Variants in C1orf159 observed in about 807,000 individuals in gnomAD.
The protein encoded by C1orf159 is chromosome 1 open reading frame 159.
C1orf159 carries 19 observed loss-of-function variants against 25.6 expected under a neutral mutation model. The ratio of observed to expected loss-of-function variants is 0.74; its 90% CI spans 0.52 to 1.09. The LOEUF (loss-of-function observed/expected upper bound fraction) is 1.09, where lower values mean the gene tolerates loss of function less well. Ranked by LOEUF, C1orf159 falls within the 50% of genes least tolerant of loss-of-function variation. C1orf159 has a pLI of 0.00. For synonymous variants in C1orf159, 139 were observed against 124.7 expected (o/e 1.12, Z -0.77); for missense variants, 274 against 290.6 (o/e 0.94, Z 0.42).
At chr1:1,083,417 C>G in intron 9 of C1orf159, 1 of 196,628 alleles carries the variant, frequency 5.1e-6, no homozygotes, top group Non-Finnish European at 1.0e-5. Flanking sequence ...CCCGGGCAGG[C>G]CCTGAAACAA....
At chr1:1,091,609 G>A (rs917070976) in intron 2 of C1orf159, 44 bp from the exon 3 acceptor site, 49 of 1,414,330 alleles carry the variant, frequency 3.5e-5, no homozygotes, top group Non-Finnish European at 3.8e-5. Flanking sequence ...ATGGAGTGGG[G>A]CTGAGGCAGG....
intron 1 of C1orf159, among the ~76,000 whole-genome samples, chr1:1,097,434 A>C (rs990860800): frequency 2.0e-5 from 3 of 151,336 alleles, no homozygotes; most frequent in Non-Finnish European, 4.4e-5. Flanking sequence ...TTGCTTTTCA[A>C]ACAGGTCTCT....
intron 1 of C1orf159, chr1:1,092,550 C>A (rs1645956679): frequency 6.5e-6 from 1 of 152,902 alleles, no homozygotes; most frequent in South Asian, 2.0e-4. Flanking sequence ...GCTCAGGGGC[C>A]TCCCTGGCAA....
At chr1:1,086,094 C>A (rs1416058568) in intron 6 of C1orf159, 82 bp from the exon 7 acceptor site, 1 of 1,511,282 alleles carries the variant, frequency 6.6e-7, no homozygotes. Context: ...CTGCACATGG[C>A]AGATGCGCTG....
At chr1:1,094,919 T>A (rs182708754) in intron 1 of C1orf159, among the ~76,000 whole-genome samples, 1 of 152,368 alleles carries the variant, frequency 6.6e-6, no homozygotes, top group Admixed American at 6.5e-5. Context: ...CCTTTGTGTA[T>A]GGTGAAATGC....
intron 1 of C1orf159, among the ~76,000 whole-genome samples, chr1:1,102,922 T>C (rs957921981): frequency 6.6e-6 from 1 of 151,946 alleles, no homozygotes. Context: ...CTCTGCCTCC[T>C]GGGCTCAAGT....
chr1:1,104,806 C>G (rs1053536165), intron 1 of C1orf159, among the ~76,000 whole-genome samples: 4 of 151,748 alleles, frequency 2.6e-5, no homozygotes, highest in African/African-American at 9.7e-5. Context: ...AGAGCGAGGC[C>G]CTGTCTCAAA....
intron 1 of C1orf159, among the ~76,000 whole-genome samples, chr1:1,104,516 T>C (rs1051939579): frequency 1.3e-5 from 2 of 152,244 alleles, no homozygotes; most frequent in African/African-American, 4.8e-5. Flanking sequence ...AGAAGTTTAC[T>C]CTTTCCCACT....
intron 1 of C1orf159, among the ~76,000 whole-genome samples, chr1:1,094,260 C>T (rs1232049464): frequency 6.6e-6 from 1 of 151,984 alleles, no homozygotes; most frequent in African/African-American, 2.4e-5. Context: ...GCCATGTTGA[C>T]CTCCGGGGCT....
rs141420028 is a variant in C1orf159 at position 1,109,838 on chromosome 1, G to A, written c.-136+6222C>T. Among the ~76,000 whole-genome samples the A allele has an allele frequency of 7.7e-4, 118 of 152,302 alleles. 3 individuals are homozygous for A. The South Asian group carries it at 0.023, about 30-fold the overall frequency. On this transcript the variant is annotated intron_variant, in intron 1 of 9. Transcript: ENST00000421241. ...GGCCCTATATGGCCAAAGGTGAGGC[G>A]CGGCCCGGGAGTCACTCCAGTCACA...
At chr1:1,086,137 G>C in intron 6 of C1orf159, 125 bp from the exon 7 acceptor site, 1 of 1,216,654 alleles carries the variant, frequency 8.2e-7, no homozygotes. Context: ...CACGGGACCG[G>C]CTGTGGGTGC....
chr1:1,087,692 C>T lies in C1orf159; in HGVS notation c.149-95G>A. 1.1e-6 allele frequency: 1 copy of T among 944,830 alleles called. No homozygotes were observed. Among genetic ancestry groups the T allele is most frequent in the South Asian group, 1.6e-5 (1 of 63,814 alleles). 58.5% of individuals were successfully genotyped at this position (944,830 alleles called of 1,614,324 possible). Reference sequence around the variant, plus strand: ...TTCTCTATTTGAGTTGGTGAGATAACTTTCATTCCAGATACTAACATGCTC... The same window carrying T: ...TTCTCTATTTGAGTTGGTGAGATAATTTTCATTCCAGATACTAACATGCTC... On this transcript the variant is annotated intron_variant, in intron 4 of 9. Transcript: ENST00000421241. The surrounding 1 kb of genome is among the most constrained non-coding windows in gnomAD (Gnocchi z 8.3).
At chr1:1,097,310 T>C (rs1646021750) in intron 1 of C1orf159, among the ~76,000 whole-genome samples, 1 of 152,082 alleles carries the variant, frequency 6.6e-6, no homozygotes, top group African/African-American at 2.4e-5. Flanking sequence ...TTTCACCATG[T>C]TGGCCAGCCT....
rs1010603776 is a variant in C1orf159, at chr1:1,110,659, T to TC, written c.-136+5400dup. Among the ~76,000 whole-genome samples the TC allele has an allele frequency of 2.0e-5, 3 of 151,230 alleles. No homozygotes were observed. The highest frequency in any genetic ancestry group is 2.9e-5 in the Non-Finnish European group (2 of 67,918). On this transcript the variant is annotated intron_variant, in intron 1 of 9. Transcript: ENST00000421241. This position sits in a 1 kb window ranked among gnomAD's most constrained non-coding sequence, Gnocchi z 4.8. ...GACTTCCACACCTGGGATGCAGCCT[T>TC]CCCCCCGGGCACGTTCCCAAGAGAA... is the stretch of plus-strand genomic sequence containing the variant.
chr1:1,095,488 T>C (rs1645998371), intron 1 of C1orf159, among the ~76,000 whole-genome samples: 1 of 152,262 alleles, frequency 6.6e-6, no homozygotes, highest in Non-Finnish European at 1.5e-5. Context: ...GCTGCTACTA[T>C]ATAACGATAA....
At chr1:1,083,032 A>T (rs1186685261) in intron 9 of C1orf159, 45 bp from the exon 10 acceptor site, 3 of 1,490,046 alleles carry the variant, frequency 2.0e-6, no homozygotes, top group Non-Finnish European at 2.7e-6. Context: ...GGACCTGGAC[A>T]GCAGGGACAG....
At chr1:1,112,043 C>T (rs1177137958) in intron 1 of C1orf159, among the ~76,000 whole-genome samples, 1 of 152,184 alleles carries the variant, frequency 6.6e-6, no homozygotes, top group East Asian at 1.9e-4. Flanking sequence ...GGGCGGTTGC[C>T]GTAGGTGGCT....
intron 9 of C1orf159, chr1:1,084,013 T>C: frequency 6.2e-7 from 1 of 1,605,902 alleles, no homozygotes; most frequent in South Asian, 1.1e-5. Flanking sequence ...CGGGTGGAGC[T>C]GGACTTCAAG....
At chr1:1,099,598 G>T (rs1483409812) in intron 1 of C1orf159, among the ~76,000 whole-genome samples, 2 of 151,186 alleles carry the variant, frequency 1.3e-5, no homozygotes, top group Admixed American at 6.6e-5. Flanking sequence ...GTTGTCTATT[G>T]ATGTTTTTGG....
Sources: allele counts gnomAD v4.1 joint callset (sites outside exome capture counted in the v4.1 genomes callset), GRCh38; gene constraint gnomAD v4.1.1; non-coding constraint Gnocchi (gnomAD v3.1); transcripts MANE v1.5; gene names NCBI Gene and HGNC (gene_info 2026-07-23, HGNC 2026-07-21).